Variants in GALNT13 observed in about 807,000 individuals in gnomAD.
GALNT13 encodes polypeptide N-acetylgalactosaminyltransferase 13, also known as UDP-GalNAc:polypeptide N-acetylgalactosaminyltransferase 13.
In GALNT13, 28 loss-of-function variants were observed where a neutral mutation model predicts 64.2. The ratio of observed to expected loss-of-function variants is 0.44; its 90% CI spans 0.32 to 0.60. GALNT13 has a LOEUF of 0.60. GALNT13 is among the 20% of genes least tolerant of loss of function. The pLI, the probability that GALNT13 is intolerant of heterozygous loss-of-function variation, is 0.05. For missense variants in GALNT13, 577 were observed against 669.8 expected (o/e 0.86, Z 1.53); for synonymous variants, 214 against 224.6 (o/e 0.95, Z 0.42).
At chr2:154,163,318 C>A (rs1011712827) in intron 4 of GALNT13, among the ~76,000 whole-genome samples, 1 of 151,320 alleles carries the variant, frequency 6.6e-6, no homozygotes, top group African/African-American at 2.4e-5. Context: ...TGGTTTTTTG[C>A]AAAGATCAAC....
chr2:153,302,520 G>A, the GALNT13 span, among the ~76,000 whole-genome samples: 26 of 150,160 alleles, frequency 1.7e-4, no homozygotes, highest in African/African-American at 4.0e-4. Flanking sequence ...GTAAGTTGTC[G>A]TCTCTTCAGT....
At chr2:153,207,456 A>G in the GALNT13 span, among the ~76,000 whole-genome samples, 1 of 152,114 alleles carries the variant, frequency 6.6e-6, no homozygotes, top group African/African-American at 2.4e-5. Flanking sequence ...ATCAACAACT[A>G]TGGATGATGA....
At chr2:153,973,694 C>T (rs1378461456) in intron 3 of GALNT13, among the ~76,000 whole-genome samples, 1 of 151,940 alleles carries the variant, frequency 6.6e-6, no homozygotes, top group East Asian at 1.9e-4. Context: ...TTTCATATAG[C>T]AGGTACAGAA....
chr2:154,373,439 AT>A (rs1697812496), intron 9 of GALNT13, among the ~76,000 whole-genome samples: 1 of 152,156 alleles, frequency 6.6e-6, no homozygotes, highest in African/African-American at 2.4e-5. Context: ...CTTGAAGATA[AT>A]TTTAAATTCA....
intron 9 of GALNT13, among the ~76,000 whole-genome samples, chr2:154,347,816 G>GA (rs1314377483): frequency 6.6e-6 from 1 of 152,158 alleles, no homozygotes; most frequent in Non-Finnish European, 1.5e-5. Flanking sequence ...GTAAGAAACT[G>GA]ATGCTATGAG....
chr2:153,638,473 A>AT, the GALNT13 span, among the ~76,000 whole-genome samples: 4 of 84,276 alleles, frequency 4.7e-5, 2 homozygotes, highest in Non-Finnish European at 1.1e-4. Flanking sequence ...TTAAGGATAT[A>AT]TTTTAAAGGT....
intron 10 of GALNT13, among the ~76,000 whole-genome samples, chr2:154,408,329 G>C (rs1231049459): frequency 6.6e-6 from 1 of 152,064 alleles, no homozygotes; most frequent in Non-Finnish European, 1.5e-5. Context: ...CTTTATGTCT[G>C]TAGTCAGCAA....
the GALNT13 span, among the ~76,000 whole-genome samples, chr2:153,323,613 A>G: frequency 3.3e-5 from 5 of 152,156 alleles, no homozygotes; most frequent in East Asian, 9.7e-4. Context: ...TAGGGTTTTT[A>G]TGGCTTAGGT....
the GALNT13 span, among the ~76,000 whole-genome samples, chr2:153,678,175 A>ATATATC: frequency 9.3e-5 from 14 of 149,750 alleles, no homozygotes; most frequent in Admixed American, 1.3e-4. Context: ...ATATATATAT[A>ATATATC]TCCAATATAT....
intron 2 of GALNT13, among the ~76,000 whole-genome samples, chr2:153,921,907 T>C (rs1028982269): frequency 6.6e-6 from 1 of 151,468 alleles, no homozygotes; most frequent in Non-Finnish European, 1.5e-5. Context: ...ATAAGATGAA[T>C]AAAAAAAGGA....
chr2:153,966,817 T>A, intron 3 of GALNT13, among the ~76,000 whole-genome samples: 1 of 152,170 alleles, frequency 6.6e-6, no homozygotes, highest in East Asian at 1.9e-4. Flanking sequence ...TATGTTGTCA[T>A]TTCTACCTTG....
At chr2:153,693,969 G>C in the GALNT13 span, among the ~76,000 whole-genome samples, 1 of 152,012 alleles carries the variant, frequency 6.6e-6, no homozygotes, top group Non-Finnish European at 1.5e-5. Flanking sequence ...TTAGCCGGGC[G>C]TGGTGGCGGG....
chr2:154,421,727 G>A (rs1700261505), intron 11 of GALNT13, among the ~76,000 whole-genome samples: 1 of 152,018 alleles, frequency 6.6e-6, no homozygotes, highest in African/African-American at 2.4e-5. Context: ...TTTGAAGCAT[G>A]TGTTAGCAGT....
chr2:153,945,899 G>A (rs1199430212), intron 3 of GALNT13, among the ~76,000 whole-genome samples: 1 of 152,042 alleles, frequency 6.6e-6, no homozygotes, highest in Non-Finnish European at 1.5e-5. Flanking sequence ...TTTAGATTTT[G>A]ACTAATACAA....
chr2:153,638,064 C>G, the GALNT13 span, among the ~76,000 whole-genome samples: 6 of 150,638 alleles, frequency 4.0e-5, no homozygotes, highest in Non-Finnish European at 8.8e-5. Context: ...AGGAGTAAAC[C>G]TTTTGGATAC....
At chr2:153,229,908 A>C in the GALNT13 span, among the ~76,000 whole-genome samples, 1 of 152,206 alleles carries the variant, frequency 6.6e-6, no homozygotes, top group South Asian at 2.1e-4. Flanking sequence ...AGCAAATGTT[A>C]ATGGCTTAAT....
the GALNT13 span, among the ~76,000 whole-genome samples, chr2:153,287,001 A>G: frequency 2.0e-5 from 3 of 152,254 alleles, no homozygotes; most frequent in Admixed American, 1.3e-4. Flanking sequence ...TTATTTTTCA[A>G]CACTTTACAA....
intron 12 of GALNT13, among the ~76,000 whole-genome samples, chr2:154,439,035 A>G (rs707067): frequency 0.092 from 13,988 of 152,194 alleles, 742 homozygotes; most frequent in South Asian, 0.17. Flanking sequence ...AGAGGTTTGT[A>G]TGAAGATGTG....
At chr2:153,547,215 G>A in the GALNT13 span, among the ~76,000 whole-genome samples, 1 of 152,166 alleles carries the variant, frequency 6.6e-6, no homozygotes, top group Non-Finnish European at 1.5e-5. Context: ...CATGTGCTAG[G>A]CCCAAACCGA....
Sources: gnomAD v4.1 joint callset for allele counts (sites outside exome capture counted in the v4.1 genomes callset) on GRCh38, gnomAD v4.1.1 for gene constraint, MANE v1.5 for transcripts, NCBI Gene and HGNC (gene_info 2026-07-23, HGNC 2026-07-21) for gene names.